CNGB3: variants seen among roughly 807,000 people sequenced by gnomAD.
CNGB3 encodes cyclic nucleotide gated channel subunit beta 3.
Under a neutral mutation model 92.8 loss-of-function variants are expected in CNGB3, and 86 were observed. That is an observed-to-expected ratio of 0.93 (90% CI 0.78 to 1.11). CNGB3 has a LOEUF of 1.11. Ranked by LOEUF, CNGB3 falls within the 50% of genes least tolerant of loss-of-function variation. The probability of loss-of-function intolerance (pLI) is 0.00; values close to 1 mark genes in which losing one functional copy is unlikely to be tolerated. For missense variants in CNGB3, 1,026 were observed against 956.8 expected, an observed-to-expected ratio of 1.07 and a Z score of -0.95; for synonymous variants, 333 against 332.7, an observed-to-expected ratio of 1.00 and a Z score of -0.01.
intron 3 of CNGB3, among the ~76,000 whole-genome samples, chr8:86,681,951 T>A (rs1460797803): frequency 6.6e-6 from 1 of 152,180 alleles, no homozygotes; most frequent in East Asian, 1.9e-4. Context: ...CAAATTCCAT[T>A]TTTGTGTCAG....
At chr8:86,667,952 T>C in intron 5 of CNGB3, 67 bp downstream of exon 5, 1 of 1,558,450 alleles carries the variant, frequency 6.4e-7, no homozygotes, top group Middle Eastern at 1.7e-4. Flanking sequence ...TATCTGTGAC[T>C]TTGAGTCACA....
intron 3 of CNGB3, among the ~76,000 whole-genome samples, chr8:86,674,852 C>T (rs1018511025): frequency 6.6e-6 from 1 of 151,638 alleles, no homozygotes; most frequent in African/African-American, 2.4e-5. Context: ...TCCCTGGGCT[C>T]AAGCCATCCT....
rs1434603409 is a variant in CNGB3, at chr8:86,731,095, A to G, written c.212-4438T>C. Among the ~76,000 whole-genome samples, 6 of 152,250 alleles carry G rather than the reference A, an allele frequency of 3.9e-5. No homozygotes were observed. The East Asian group carries it at 9.6e-4, about 24-fold the overall frequency. On this transcript the variant is annotated intron_variant, in intron 2 of 17. Coordinates refer to ENST00000320005, the MANE Select transcript of CNGB3 (RefSeq NM_019098.5). ...TTCAAATTCATAGAAATGCTATTAC[A>G]TAGAAAAGAAAATAGATTTATTTCA... is the stretch of plus-strand genomic sequence containing the variant.
At chr8:86,680,201 A>G (rs1309238475) in intron 3 of CNGB3, among the ~76,000 whole-genome samples, 6 of 152,214 alleles carry the variant, frequency 3.9e-5, no homozygotes, top group African/African-American at 1.4e-4. Context: ...TCCCGAGATG[A>G]CAGAAAAAAA....
At position 86,726,621 on chromosome 8, in the gene CNGB3, G is replaced by A. The variant is rs761822317; in HGVS notation, c.248C>T (p.Thr83Ile). The A allele has an allele frequency of 6.2e-7, 1 of 1,613,636 alleles. No homozygotes were observed. The highest frequency in any genetic ancestry group is 8.5e-7 in the Non-Finnish European group (1 of 1,179,756). ...LSKKNSSGDLTTNPDPQNAAE... is the reference protein window; with the variant it reads ...LSKKNSSGDLITNPDPQNAAE... ...TGCATTTTGAGGGTCAGGGTTTGTGGTCAGATCTCCAGAGGAATTTTTCTT... is the reference window on the plus strand; with the variant it reads ...TGCATTTTGAGGGTCAGGGTTTGTGATCAGATCTCCAGAGGAATTTTTCTT... The change falls in exon 3 of 18, where the codon ACC (threonine) becomes ATC (isoleucine). Residue 83 changes from threonine (T) to isoleucine (I), a missense_variant. Coordinates refer to ENST00000320005, the MANE Select transcript of CNGB3 (RefSeq NM_019098.5).
At chr8:86,615,634 A>G (rs1394755507) in intron 13 of CNGB3, among the ~76,000 whole-genome samples, 1 of 152,050 alleles carries the variant, frequency 6.6e-6, no homozygotes, top group African/African-American at 2.4e-5. Flanking sequence ...AAAAAATGAA[A>G]ATAAAGATTA....
intron 11 of CNGB3, 61 bp from the exon 12 acceptor site, chr8:86,629,139 A>G: frequency 6.4e-7 from 1 of 1,565,366 alleles, no homozygotes; most frequent in Non-Finnish European, 8.8e-7. Flanking sequence ...TAAAAGTCAA[A>G]TTACATGTTT....
At position 86,667,139 on chromosome 8, in the gene CNGB3, A is replaced by T. The variant is rs376405172; in HGVS notation, c.644-6T>A. ...CCACAGGAGATAGAGTCGATCTGGA[A>T]AAACAGCAAGTGGTGAAATCCAAAT... On this transcript the variant is annotated splice_polypyrimidine_tract_variant and splice_region_variant and intron_variant, in intron 5 of 17. Coordinates refer to ENST00000320005, the MANE Select transcript of CNGB3 (RefSeq NM_019098.5). 1 of 1,612,454 alleles carries T rather than the reference A, an allele frequency of 6.2e-7. No individual in the cohort carries two copies. The highest frequency in any genetic ancestry group is 1.3e-5 in the African/African-American group (1 of 74,906).
intron 3 of CNGB3, among the ~76,000 whole-genome samples, chr8:86,723,851 G>T (rs370301675): frequency 3.0e-4 from 46 of 152,298 alleles, no homozygotes; most frequent in African/African-American, 9.9e-4. Flanking sequence ...ACATTAAAAA[G>T]TGTTCTGACA....
chr8:86,708,991 G>A (rs1824701549), intron 3 of CNGB3, among the ~76,000 whole-genome samples: 1 of 152,142 alleles, frequency 6.6e-6, no homozygotes, highest in Admixed American at 6.5e-5. Context: ...GGTGTGGCTG[G>A]TCACTCATGT....
intron 10 of CNGB3, among the ~76,000 whole-genome samples, chr8:86,642,997 A>C (rs1176546479): frequency 6.6e-6 from 1 of 151,406 alleles, no homozygotes; most frequent in African/African-American, 2.4e-5. Context: ...TCGGCATCGG[A>C]GTTATTAAAA....
chr8:86,740,589 G>A (rs535255249), intron 1 of CNGB3, among the ~76,000 whole-genome samples: 9 of 152,190 alleles, frequency 5.9e-5, no homozygotes, highest in Non-Finnish European at 1.0e-4. Flanking sequence ...GGGACAAAGG[G>A]TGAGTAGATG....
intron 7 of CNGB3, among the ~76,000 whole-genome samples, chr8:86,648,269 G>A (rs1367896534): frequency 1.3e-5 from 2 of 151,124 alleles, no homozygotes; most frequent in Non-Finnish European, 3.0e-5. Flanking sequence ...TTATTTGAAA[G>A]CATTGTACTT....
At chr8:86,740,897 T>G (rs553367514) in intron 1 of CNGB3, among the ~76,000 whole-genome samples, 75 of 152,314 alleles carry the variant, frequency 4.9e-4, no homozygotes, top group Admixed American at 1.3e-3. Flanking sequence ...GCCTTCTGAC[T>G]TCAATCAAGT....
intron 6 of CNGB3, chr8:86,660,287 C>A: frequency 3.1e-6 from 1 of 325,078 alleles, no homozygotes; most frequent in Middle Eastern, 1.1e-3. Flanking sequence ...TTTCTTCAGA[C>A]ATCACAGGCA....
chr8:86,659,761 A>G (rs539659009), intron 6 of CNGB3: 1 of 373,100 alleles, frequency 2.7e-6, no homozygotes, highest in East Asian at 7.0e-5. Flanking sequence ...TTGAACCTGT[A>G]ACCACTCCCT....
intron 11 of CNGB3, 36 bp downstream of exon 11, chr8:86,632,716 C>G: frequency 6.2e-7 from 1 of 1,605,052 alleles, no homozygotes; most frequent in Non-Finnish European, 8.5e-7. Flanking sequence ...TTCAAAATGA[C>G]AGCACTGTGT....
chr8:86,577,890 C>CT (rs1301962695), intron 17 of CNGB3, among the ~76,000 whole-genome samples: 5 of 152,004 alleles, frequency 3.3e-5, no homozygotes, highest in Non-Finnish European at 7.4e-5. Flanking sequence ...AAGTGTCACT[C>CT]TTTTTTGTTG....
intron 3 of CNGB3, among the ~76,000 whole-genome samples, chr8:86,671,685 T>C (rs1260779622): frequency 6.6e-6 from 1 of 152,220 alleles, no homozygotes; most frequent in Admixed American, 6.5e-5. Flanking sequence ...GAGGGTCACC[T>C]GGTTAGAATT....
Sources: gnomAD v4.1 joint callset for allele counts (sites outside exome capture counted in the v4.1 genomes callset) on GRCh38, gnomAD v4.1.1 for gene constraint, MANE v1.5 for transcripts, NCBI Gene and HGNC (gene_info 2026-07-23, HGNC 2026-07-21) for gene names.